ANKRD30BL: variants seen among roughly 807,000 people sequenced by gnomAD.
ANKRD30BL encodes the protein ankyrin repeat domain 30B like, also known as putative ankyrin repeat domain-containing protein 30B-like.
In ANKRD30BL, 20 loss-of-function variants were observed where a neutral mutation model predicts 18.4. The observed-to-expected ratio is 1.09, with a 90% CI of 0.77 to 1.58. The LOEUF (loss-of-function observed/expected upper bound fraction) is 1.58. Ranked by LOEUF, ANKRD30BL falls within the 40% of genes most tolerant of loss-of-function variation. ANKRD30BL has a pLI of 0.00. For synonymous variants in ANKRD30BL, 72 were observed against 100.9 expected (o/e 0.71, Z 1.72); for missense variants, 224 against 268.6 (o/e 0.83, Z 1.16).
At chr2:132,157,281 C>A (rs1471382844) in intron 2 of ANKRD30BL, 28 bp downstream of exon 2, 3 of 840,194 alleles carry the variant, frequency 3.6e-6, no homozygotes, top group East Asian at 5.3e-5. Context: ...AAATCCATCT[C>A]CTGCTGAAAG....
At chr2:132,153,585 G>T in intron 4 of ANKRD30BL, 1 of 648,242 alleles carries the variant, frequency 1.5e-6, no homozygotes, top group Non-Finnish European at 2.8e-6. Flanking sequence ...ACAGCATAAC[G>T]TTCTGCAATC....
intron 1 of ANKRD30BL, among the ~76,000 whole-genome samples, chr2:132,233,512 C>T (rs1396631736): frequency 5.0e-5 from 7 of 141,138 alleles, no homozygotes; most frequent in South Asian, 4.8e-4. Context: ...AAATGGAAAA[C>T]AAAAAAAGGC....
At chr2:132,204,471 G>GTATA (rs1679171432) in intron 1 of ANKRD30BL, among the ~76,000 whole-genome samples, 1 of 143,294 alleles carries the variant, frequency 7.0e-6, no homozygotes, top group Non-Finnish European at 1.5e-5. Flanking sequence ...ATGTATGTAT[G>GTATA]TATATATAGT....
Position 132,185,860 on chromosome 2 carries a change from G to T in ANKRD30BL, n.442-28714C>A, listed in dbSNP as rs184590348. On this transcript the variant is annotated intron_variant and non_coding_transcript_variant, in intron 1 of 4. Transcript: ENST00000470729. ...ATCCTTTCAAAATAATTAAAAAAGA[G>T]CCAGGTGCAGTAGCTCATGCCTGTA... is the stretch of plus-strand genomic sequence containing the variant. Among the ~76,000 whole-genome samples, 190 of 152,284 alleles carry T rather than the reference G, an allele frequency of 1.2e-3. 2 individuals carry two copies. The highest frequency in any genetic ancestry group is 4.3e-3 in the African/African-American group (177 of 41,574).
intron 1 of ANKRD30BL, among the ~76,000 whole-genome samples, chr2:132,250,062 G>A (rs1409491591): frequency 6.7e-6 from 1 of 149,610 alleles, no homozygotes; most frequent in Non-Finnish European, 1.5e-5. Context: ...CCATTTCCAA[G>A]CTTTTCAATC....
intron 1 of ANKRD30BL, among the ~76,000 whole-genome samples, chr2:132,204,981 T>C (rs921923245): frequency 1.3e-5 from 2 of 151,952 alleles, no homozygotes; most frequent in Admixed American, 6.6e-5. Flanking sequence ...ATGCTGGAAG[T>C]GTGGGAATGG....
intron 1 of ANKRD30BL, among the ~76,000 whole-genome samples, chr2:132,213,064 T>A (rs978469407): frequency 4.0e-5 from 6 of 151,868 alleles, no homozygotes; most frequent in Non-Finnish European, 7.4e-5. Context: ...TAACTTTCAA[T>A]TGAGCAGTTT....
intron 1 of ANKRD30BL, among the ~76,000 whole-genome samples, chr2:132,201,230 C>A (rs1679091228): frequency 6.6e-6 from 1 of 152,118 alleles, no homozygotes; most frequent in South Asian, 2.1e-4. Flanking sequence ...AGGACATAGG[C>A]ATGGGCAAGG....
intron 1 of ANKRD30BL, among the ~76,000 whole-genome samples, chr2:132,198,928 ATTT>A (rs1679036300): frequency 6.6e-6 from 1 of 152,084 alleles, no homozygotes; most frequent in African/African-American, 2.4e-5. Flanking sequence ...CAGTCCTTGT[ATTT>A]TTAAGGTTTC....
chr2:132,214,535 C>T (rs553353847), intron 1 of ANKRD30BL, among the ~76,000 whole-genome samples: 2 of 151,942 alleles, frequency 1.3e-5, no homozygotes, highest in East Asian at 1.9e-4. Context: ...TTCTGTCAAA[C>T]TACTTTGTGA....
chr2:132,231,510 T>A (rs1250201770), intron 1 of ANKRD30BL, among the ~76,000 whole-genome samples: 10 of 152,196 alleles, frequency 6.6e-5, no homozygotes, highest in Non-Finnish European at 1.5e-5. Context: ...AGCAGGGCGA[T>A]GCATTGCCTC....
At chr2:132,198,292 C>G (rs541679719) in intron 1 of ANKRD30BL, among the ~76,000 whole-genome samples, 174 of 11,316 alleles carry the variant, frequency 0.015, 2 homozygotes, top group African/African-American at 0.036. Context: ...TTCTTTCTTT[C>G]TTTCTTTCTT....
chr2:132,155,450 C>G (rs1332259242), intron 3 of ANKRD30BL: 2 of 152,140 alleles, frequency 1.3e-5, no homozygotes, highest in Non-Finnish European at 2.9e-5. Context: ...ATTCCAAATG[C>G]CAATGTCAGG....
At chr2:132,222,026 C>G (rs1202857681) in intron 1 of ANKRD30BL, among the ~76,000 whole-genome samples, 1 of 137,840 alleles carries the variant, frequency 7.3e-6, no homozygotes, top group Non-Finnish European at 1.6e-5. Context: ...GGCCAGCCAC[C>G]CTGTCCGGGA....
chr2:132,182,837 T>G (rs1446243715), intron 1 of ANKRD30BL, among the ~76,000 whole-genome samples: 2 of 152,210 alleles, frequency 1.3e-5, no homozygotes, highest in Admixed American at 6.5e-5. Context: ...GTACCACATT[T>G]ATTCATTGAA....
At chr2:132,159,020 T>C (rs1687986633) in intron 1 of ANKRD30BL, among the ~76,000 whole-genome samples, 2 of 152,034 alleles carry the variant, frequency 1.3e-5, no homozygotes, top group South Asian at 2.1e-4. Context: ...AATAGCATTG[T>C]ACATGCTCAA....
chr2:132,163,434 T>C (rs975084095), upstream of ANKRD30BL, among the ~76,000 whole-genome samples: 37 of 152,200 alleles, frequency 2.4e-4, no homozygotes, highest in Middle Eastern at 3.4e-3. Context: ...AGAGGTCCTG[T>C]TGCTCCCCAT....
chr2:132,162,771 C>T (rs1406874024), upstream of ANKRD30BL, among the ~76,000 whole-genome samples: 1 of 152,276 alleles, frequency 6.6e-6, no homozygotes, highest in Non-Finnish European at 1.5e-5. Context: ...GGCTCGCGCC[C>T]TGAGCGCTGG....
chr2:132,252,244 T>C (rs1055517824), intron 1 of ANKRD30BL, among the ~76,000 whole-genome samples: 1 of 152,214 alleles, frequency 6.6e-6, no homozygotes, highest in Non-Finnish European at 1.5e-5. Flanking sequence ...CTGCGCCAAG[T>C]CTAGGGACAT....
Sources: allele counts gnomAD v4.1 joint callset (sites outside exome capture counted in the v4.1 genomes callset), GRCh38; gene constraint gnomAD v4.1.1; transcripts MANE v1.5; gene names NCBI Gene and HGNC (gene_info 2026-07-23, HGNC 2026-07-21).